ZNF428: variants seen among roughly 807,000 people sequenced by gnomAD.
ZNF428 encodes the protein zinc finger protein 428.
Under a neutral mutation model 15.6 loss-of-function variants are expected in ZNF428, and 5 were observed. The ratio of observed to expected loss-of-function variants is 0.32; its 90% CI spans 0.17 to 0.67. ZNF428 has a LOEUF of 0.67. Ranked by LOEUF, ZNF428 falls within the 30% of genes least tolerant of loss-of-function variation. ZNF428 has a pLI of 0.73. For missense variants in ZNF428, 237 were observed against 256.0 expected (o/e 0.93, Z 0.51); for synonymous variants, 97 against 102.2 (o/e 0.95, Z 0.31).
intron 2 of ZNF428, among the ~76,000 whole-genome samples, chr19:43,611,021 C>T (rs188036709): frequency 6.6e-6 from 1 of 152,268 alleles, no homozygotes; most frequent in Admixed American, 6.5e-5. Flanking sequence ...ACTCATCCTT[C>T]AAGACCCAGC....
chr19:43,611,111 A>G (rs1442778008), intron 2 of ZNF428, among the ~76,000 whole-genome samples: 1 of 151,962 alleles, frequency 6.6e-6, no homozygotes, highest in Non-Finnish European at 1.5e-5. Flanking sequence ...CCCCTGCCCC[A>G]GCACCTCCTC....
Position 43,612,417 on chromosome 19 carries a change from G to C in ZNF428, c.76+1812C>G. The C allele has an allele frequency of 6.4e-7, 1 of 1,551,448 alleles. No homozygotes were observed. The highest frequency in any genetic ancestry group is 1.2e-5 in the South Asian group (1 of 84,048). On this transcript the variant is annotated intron_variant, in intron 2 of 2. Coordinates refer to ENST00000300811, the MANE Select transcript of ZNF428 (RefSeq NM_182498.4). The surrounding 1 kb of genome is among the most constrained non-coding windows in gnomAD (Gnocchi z 4.2). ...CCCAGCAGGGTGAGCACCGACACCA[G>C]GACCAGCAAAGCCAGCAAGGCCAGC...
chr19:43,613,815 AAG>A (rs1973339676), intron 2 of ZNF428: 1 of 1,549,438 alleles, frequency 6.5e-7, no homozygotes, highest in Non-Finnish European at 8.7e-7. Context: ...AGCCCCAGCA[AAG>A]AGAGAGATCG....
intron 2 of ZNF428, among the ~76,000 whole-genome samples, chr19:43,611,786 G>T (rs932421642): frequency 1.6e-4 from 25 of 152,290 alleles, no homozygotes; most frequent in South Asian, 4.1e-4. Context: ...ACTCTGGGCA[G>T]TGGCCCCCCT....
At chr19:43,617,928 C>G (rs1304499596) in intron 1 of ZNF428, among the ~76,000 whole-genome samples, 2 of 151,876 alleles carry the variant, frequency 1.3e-5, no homozygotes, top group East Asian at 1.9e-4. Flanking sequence ...GTAGCGCGAT[C>G]TCGGCTCACT....
chr19:43,613,239 A>G, intron 2 of ZNF428: 1 of 1,551,674 alleles, frequency 6.4e-7, no homozygotes, highest in Middle Eastern at 1.7e-4. Context: ...AGCTCCAGCA[A>G]AGAGAGAGAT....
chr19:43,614,032 G>A, intron 2 of ZNF428, 197 bp downstream of exon 2: 1 of 1,551,900 alleles, frequency 6.4e-7, no homozygotes, highest in Non-Finnish European at 8.7e-7. Context: ...CCTCTAGCAA[G>A]GAGAGCGACC....
intron 2 of ZNF428, 194 bp downstream of exon 2, chr19:43,614,035 G>A (rs913691751): frequency 9.7e-6 from 15 of 1,551,872 alleles, no homozygotes; most frequent in Admixed American, 5.9e-5. Flanking sequence ...CTAGCAAGGA[G>A]AGCGACCCCA....
chr19:43,615,533 A>T (rs1973363722), intron 1 of ZNF428, among the ~76,000 whole-genome samples: 1 of 138,528 alleles, frequency 7.2e-6, no homozygotes, highest in Admixed American at 7.2e-5. Context: ...ACTTGTCTCT[A>T]AAAAAAAAAA....
In ZNF428 at chr19:43,612,349, C is replaced by T. The variant is rs1293550502; in HGVS notation, c.76+1880G>A. 6.4e-7 allele frequency: 1 copy of T among 1,551,732 alleles called. No individual in the cohort carries two copies. The highest frequency in any genetic ancestry group is 1.2e-5 in the South Asian group (1 of 84,060). Reference sequence around the variant, plus strand: ...CCAGTACAAAAAGAGCCCCTTCTAACCGGCCCAGCAGCAGGTCCCGAGTCC... The same window carrying T: ...CCAGTACAAAAAGAGCCCCTTCTAATCGGCCCAGCAGCAGGTCCCGAGTCC... On this transcript the variant is annotated intron_variant, in intron 2 of 2. Transcript: ENST00000300811. The surrounding 1 kb of genome is among the most constrained non-coding windows in gnomAD (Gnocchi z 4.2).
In ZNF428 at chr19:43,612,391, AC is replaced by A; in HGVS notation, c.76+1837del. On this transcript the variant is annotated intron_variant, in intron 2 of 2. Coordinates refer to ENST00000300811, the MANE Select transcript of ZNF428 (RefSeq NM_182498.4). The surrounding 1 kb of genome is among the most constrained non-coding windows in gnomAD (Gnocchi z 4.2). ...CCCGAGTCCGCAGCAAAGCAAGAAC[AC>A]CCAGCAGGGTGAGCACCGACACCAG... The A allele has an allele frequency of 6.4e-7, 1 of 1,551,658 alleles. No individual in the cohort carries two copies. Among genetic ancestry groups the A allele is most frequent in the Non-Finnish European group, 8.7e-7 (1 of 1,146,986 alleles).
At position 43,612,097 on chromosome 19, in the gene ZNF428, GACC is replaced by G; in HGVS notation, c.76+2129_76+2131del. Reference sequence around the variant, plus strand: ...GTTTCATGTCTACTGTGACTTCCAGGACCACAAGCCCTTTTGCGCCCACCATGT... The same window carrying G: ...GTTTCATGTCTACTGTGACTTCCAGGACAAGCCCTTTTGCGCCCACCATGT... On this transcript the variant is annotated intron_variant, in intron 2 of 2. Transcript: ENST00000300811. The surrounding 1 kb of genome is among the most constrained non-coding windows in gnomAD (Gnocchi z 4.2). 1 of 1,525,228 alleles carries G rather than the reference GACC, an allele frequency of 6.6e-7. No individual in the cohort carries two copies. Among genetic ancestry groups the G allele is most frequent in the Non-Finnish European group, 8.9e-7 (1 of 1,124,136 alleles). 94.5% of individuals were successfully genotyped at this position (1,525,228 alleles called of 1,614,324 possible).
At position 43,607,680 on chromosome 19, in the gene ZNF428, A is replaced by C; in HGVS notation, c.504T>G (p.Asp168Glu). The change falls in exon 3 of 3, where the codon GAT (aspartate) becomes GAG (glutamate). Residue 168 changes from aspartate to glutamate, a missense_variant. Asp to Glu is a conservative substitution (Grantham distance 45, BLOSUM62 2). Transcript: ENST00000300811. This position sits in a 1 kb window ranked among gnomAD's most constrained non-coding sequence, Gnocchi z 5.1. ...GCAGCTCCCCCAGGTTGTCGAAGGAATCCTCACATTCCGTACAGTGGTAGG... is the reference window on the plus strand; with the variant it reads ...GCAGCTCCCCCAGGTTGTCGAAGGACTCCTCACATTCCGTACAGTGGTAGG... ...EGTYHCTECE[D>E]SFDNLGELHG... is the part of the protein sequence containing the mutation. 1 of 1,612,662 alleles carries C rather than the reference A, an allele frequency of 6.2e-7. No homozygotes were observed. The highest frequency in any genetic ancestry group is 8.5e-7 in the Non-Finnish European group (1 of 1,179,164).
chr19:43,616,968 GTATTTT>G (rs1973377723), intron 1 of ZNF428, among the ~76,000 whole-genome samples: 1 of 151,570 alleles, frequency 6.6e-6, no homozygotes, highest in South Asian at 2.1e-4. Context: ...TAATTTTTTG[GTATTTT>G]TAGTAGAGAC....
At chr19:43,611,939 G>A in intron 2 of ZNF428, 1 of 614,250 alleles carries the variant, frequency 1.6e-6, no homozygotes, top group South Asian at 2.0e-5. Context: ...CCAGCCTCAG[G>A]CTGGGACCCC....
At position 43,607,533 on chromosome 19, in the gene ZNF428, A is replaced by ATGACCACTG. The variant is rs767483157; in HGVS notation, c.*75_*83dup. On this transcript the variant is annotated 3_prime_UTR_variant, in exon 3 of 3. Transcript: ENST00000300811. The surrounding 1 kb of genome is among the most constrained non-coding windows in gnomAD (Gnocchi z 5.1). ...ACAGACCGGCAGTACCCCATCCCCC[A>ATGACCACTG]TGACCACTGTCACAACCCCAATTTC... 6.9e-7 allele frequency: 1 copy of ATGACCACTG among 1,459,766 alleles called. No homozygotes were observed. The highest frequency in any genetic ancestry group is 9.1e-7 in the Non-Finnish European group (1 of 1,095,046). The allele number at this position is 1,459,766 out of a possible 1,614,324, so 90.4% of individuals were successfully genotyped here. A position where few individuals can be genotyped will look rare whatever the true frequency, so the allele number is the denominator to read the frequency against.
At chr19:43,613,277 G>A (rs1973324491) in intron 2 of ZNF428, 1 of 1,551,604 alleles carries the variant, frequency 6.4e-7, no homozygotes, top group Non-Finnish European at 8.7e-7. Flanking sequence ...CCCCAGGAAG[G>A]AGAGTGGTCG....
chr19:43,614,113 G>C (rs1486782481), intron 2 of ZNF428, 116 bp downstream of exon 2: 2 of 1,595,142 alleles, frequency 1.3e-6, no homozygotes, highest in Admixed American at 3.6e-5. Context: ...GTCTCAGTCA[G>C]AATAGAACCC....
chr19:43,613,065 GA>G, intron 2 of ZNF428: 1 of 1,551,598 alleles, frequency 6.4e-7, no homozygotes, highest in South Asian at 1.2e-5. Context: ...AGCAGGGCAA[GA>G]AGTCGCACCC....
Sources: gnomAD v4.1 joint callset for allele counts (sites outside exome capture counted in the v4.1 genomes callset) on GRCh38, gnomAD v4.1.1 for gene constraint, Gnocchi (gnomAD v3.1) non-coding constraint, MANE v1.5 for transcripts, NCBI Gene and HGNC (gene_info 2026-07-23, HGNC 2026-07-21) for gene names.